CACNA1E: variants seen among roughly 807,000 people sequenced by gnomAD.
CACNA1E encodes the protein calcium voltage-gated channel subunit alpha1 E, also known as voltage-dependent R-type calcium channel subunit alpha-1E.
CACNA1E carries 40 observed loss-of-function variants against 259.2 expected under a neutral mutation model. The ratio of observed to expected loss-of-function variants is 0.15; its 90% confidence interval spans 0.12 to 0.20. The LOEUF (loss-of-function observed/expected upper bound fraction) is 0.20. Ranked by LOEUF, CACNA1E falls within the 10% of genes least tolerant of loss-of-function variation. The pLI is 1.00. For synonymous variants in CACNA1E, 1,104 were observed against 1,138.5 expected (o/e 0.97, Z 0.61); for missense variants, 1,874 against 3,040.1 (o/e 0.62, Z 9.02).
In CACNA1E at chr1:181,558,191, T is replaced by C. The variant is rs116480753; in HGVS notation, c.513-19575T>C. 2.6e-3 allele frequency among the ~76,000 whole-genome samples: 400 copies of C among 152,298 alleles called. 3 individuals are homozygous for C. The highest frequency in any genetic ancestry group is 9.2e-3 in the African/African-American group (382 of 41,564). On this transcript the variant is annotated intron_variant, in intron 3 of 47. Transcript: ENST00000367573. ...CTTTGTGTAGCTCCAAGTTCAGGGA[T>C]GGGCTGTGCTGCCCTCACTGCAAGA...
At chr1:181,780,905 A>G (rs144831411) in intron 38 of CACNA1E, among the ~76,000 whole-genome samples, 147 of 152,294 alleles carry the variant, frequency 9.7e-4, no homozygotes, top group Admixed American at 4.9e-3. Context: ...CTGTGGGTTC[A>G]GTGGAGAACA....
rs750916043 is a variant in CACNA1E, at chr1:181,772,147, A to G, written c.5055A>G (p.Pro1685=). Residue 1685 remains proline, a synonymous_variant, in exon 37 of 48, where the codon CCA becomes CCG. Transcript: ENST00000367573. ...EKGCEPDTTA[P]SGQNENERCG... is the part of the protein sequence containing the mutation. Reference sequence around the variant, plus strand: ...GCTGTGAGCCTGACACCACCGCACCATCAGGGCAGAACGAGAACGAACGCT... The same window carrying G: ...GCTGTGAGCCTGACACCACCGCACCGTCAGGGCAGAACGAGAACGAACGCT... The G allele has an allele frequency of 2.5e-6, 4 of 1,613,842 alleles. No individual in the cohort carries two copies. Among genetic ancestry groups the G allele is most frequent in the African/African-American group, 1.3e-5 (1 of 74,912 alleles).
chr1:181,339,678 A>G (rs148697322), intron 1 of CACNA1E, among the ~76,000 whole-genome samples: 3 of 152,058 alleles, frequency 2.0e-5, no homozygotes, highest in African/African-American at 7.2e-5. Context: ...GTTCTTGACT[A>G]TCTGAGAGAT....
intron 7 of CACNA1E, among the ~76,000 whole-genome samples, chr1:181,678,760 C>T (rs958370262): frequency 6.6e-6 from 1 of 152,202 alleles, no homozygotes; most frequent in Non-Finnish European, 1.5e-5. Flanking sequence ...TAACCTTTCT[C>T]AGACTTAGTT....
chr1:181,714,338 G>C (rs1328215393), intron 8 of CACNA1E, among the ~76,000 whole-genome samples: 2 of 152,150 alleles, frequency 1.3e-5, no homozygotes, highest in Non-Finnish European at 2.9e-5. Context: ...AGGGTATGGT[G>C]GTGGGGAGCA....
chr1:181,393,396 G>C (rs2102048461), intron 1 of CACNA1E, among the ~76,000 whole-genome samples: 1 of 152,334 alleles, frequency 6.6e-6, no homozygotes, highest in South Asian at 2.1e-4. Context: ...ATTACCATTA[G>C]TTGTCTTTTA....
chr1:181,802,601 A>T lies in CACNA1E; in HGVS notation c.*3767A>T, dbSNP rs977608766. On this transcript the variant is annotated 3_prime_UTR_variant, in exon 48 of 48. Coordinates refer to ENST00000367573, the MANE Select transcript of CACNA1E (RefSeq NM_001205293.3). Reference sequence around the variant, plus strand: ...GACTGACTCCACCACTCTCTCAGCTATGGGGGAATATTGCATTCTAATGAA... The same window carrying T: ...GACTGACTCCACCACTCTCTCAGCTTTGGGGGAATATTGCATTCTAATGAA... 6.6e-6 allele frequency: 1 copy of T among 152,182 alleles called. No homozygotes were observed. The highest frequency in any genetic ancestry group is 2.4e-5 in the African/African-American group (1 of 41,416). 9.4% of individuals were successfully genotyped at this position (152,182 alleles called of 1,614,324 possible). A position where few individuals can be genotyped will look rare whatever the true frequency, so the allele number is the denominator to read the frequency against.
chr1:181,373,542 T>C (rs935718305), intron 1 of CACNA1E, among the ~76,000 whole-genome samples: 14 of 145,724 alleles, frequency 9.6e-5, no homozygotes, highest in Middle Eastern at 3.5e-3. Context: ...TCTTTCTTTT[T>C]TTTTTTTTTT....
At chr1:181,592,010 T>C (rs189925651) in intron 6 of CACNA1E, among the ~76,000 whole-genome samples, 6 of 152,330 alleles carry the variant, frequency 3.9e-5, no homozygotes, top group Admixed American at 3.9e-4. Context: ...CTTTACACTT[T>C]CCATTTGCAT....
At chr1:181,662,139 T>C (rs765221477) in intron 7 of CACNA1E, among the ~76,000 whole-genome samples, 2 of 152,194 alleles carry the variant, frequency 1.3e-5, no homozygotes, top group Non-Finnish European at 2.9e-5. Flanking sequence ...GGGGGTCACA[T>C]AAAAAGCTTA....
At chr1:181,728,483 G>A (rs1655125008) in intron 18 of CACNA1E, among the ~76,000 whole-genome samples, 1 of 152,244 alleles carries the variant, frequency 6.6e-6, no homozygotes. Context: ...CGTTGCTGGT[G>A]TGAGCCACCT....
chr1:181,667,192 G>A (rs993455511), intron 7 of CACNA1E, among the ~76,000 whole-genome samples: 1 of 152,126 alleles, frequency 6.6e-6, no homozygotes, highest in African/African-American at 2.4e-5. Context: ...TAAGTAATAA[G>A]ATTGTAATAA....
intron 7 of CACNA1E, among the ~76,000 whole-genome samples, chr1:181,664,067 A>G (rs1647957562): frequency 6.6e-6 from 1 of 152,234 alleles, no homozygotes; most frequent in African/African-American, 2.4e-5. Flanking sequence ...AAAGCATTTC[A>G]TGTGTTTGAT....
chr1:181,687,171 G>T (rs567475427), intron 7 of CACNA1E, among the ~76,000 whole-genome samples: 24 of 152,294 alleles, frequency 1.6e-4, no homozygotes, highest in Non-Finnish European at 2.8e-4. Flanking sequence ...TGGGAGCCGA[G>T]ACCCTGGAGT....
At chr1:181,766,480 C>T in intron 34 of CACNA1E, 66 bp from the exon 35 acceptor site, 4 of 1,119,804 alleles carry the variant, frequency 3.6e-6, no homozygotes, top group Non-Finnish European at 5.4e-6. Context: ...CTGCCGGTGA[C>T]TGCAGGTTGT....
chr1:181,344,149 T>C (rs781067692), intron 1 of CACNA1E, among the ~76,000 whole-genome samples: 1 of 152,160 alleles, frequency 6.6e-6, no homozygotes, highest in Non-Finnish European at 1.5e-5. Context: ...TGGAAGAATC[T>C]CTTCACTTCC....
At chr1:181,342,086 C>G (rs144898502) in intron 1 of CACNA1E, among the ~76,000 whole-genome samples, 38 of 152,212 alleles carry the variant, frequency 2.5e-4, no homozygotes, top group Admixed American at 1.9e-3. Context: ...ATATTTGACT[C>G]TAGACTTGAA....
At chr1:181,375,382 C>A (rs530259039) in intron 1 of CACNA1E, among the ~76,000 whole-genome samples, 1 of 152,160 alleles carries the variant, frequency 6.6e-6, no homozygotes, top group African/African-American at 2.4e-5. Flanking sequence ...CCAACAGATT[C>A]ATATGTTGAA....
At chr1:181,326,098 G>A (rs1271927595) in intron 1 of CACNA1E, among the ~76,000 whole-genome samples, 2 of 152,168 alleles carry the variant, frequency 1.3e-5, no homozygotes, top group Non-Finnish European at 2.9e-5. Context: ...CTTCCCCAGC[G>A]CCTCATTTCC....
Sources: gnomAD v4.1 joint callset for allele counts (sites outside exome capture counted in the v4.1 genomes callset) on GRCh38, gnomAD v4.1.1 for gene constraint, MANE v1.5 for transcripts, NCBI Gene and HGNC (gene_info 2026-07-23, HGNC 2026-07-21) for gene names.